The following FHIT variants were observed in gnomAD, a reference collection of about 807,000 sequenced individuals.
FHIT encodes bis(5'-adenosyl)-triphosphatase.
Under a neutral mutation model 17.9 loss-of-function variants are expected in FHIT, and 19 were observed. The observed-to-expected ratio is 1.06, with a 90% CI of 0.74 to 1.56. The LOEUF (loss-of-function observed/expected upper bound fraction) is 1.56. Among genes scored for constraint, FHIT ranks in the 40% most tolerant of loss-of-function variants. The pLI is 0.00. For missense variants in FHIT, 248 were observed against 189.2 expected, an observed-to-expected ratio of 1.31 and a Z score of -1.82; for synonymous variants, 81 against 69.7, an observed-to-expected ratio of 1.16 and a Z score of -0.81.
intron 5 of FHIT, among the ~76,000 whole-genome samples, chr3:60,350,920 G>T (rs1382911454): frequency 6.6e-6 from 1 of 152,122 alleles, no homozygotes; most frequent in Admixed American, 6.5e-5. Context: ...TCTCTCCCTT[G>T]TTGGCTTTGA....
intron 5 of FHIT, among the ~76,000 whole-genome samples, chr3:60,191,169 A>G (rs1016998495): frequency 6.6e-6 from 1 of 152,182 alleles, no homozygotes; most frequent in Non-Finnish European, 1.5e-5. Flanking sequence ...ATGATCAAGA[A>G]AACAGCACAG....
At chr3:59,831,599 G>A (rs1324918455) in intron 8 of FHIT, among the ~76,000 whole-genome samples, 2 of 152,102 alleles carry the variant, frequency 1.3e-5, no homozygotes, top group East Asian at 3.9e-4. Flanking sequence ...AGCCTCATGC[G>A]ATAAGACTGT....
chr3:61,226,797 C>T (rs35303160), intron 1 of FHIT, among the ~76,000 whole-genome samples: 1,894 of 152,088 alleles, frequency 0.012, 20 homozygotes, highest in Middle Eastern at 0.075. Context: ...TCCCATATAC[C>T]CTTACATGAC....
At chr3:60,757,892 C>G (rs1476207202) in intron 4 of FHIT, among the ~76,000 whole-genome samples, 4 of 152,196 alleles carry the variant, frequency 2.6e-5, no homozygotes, top group Non-Finnish European at 5.9e-5. Flanking sequence ...GAAGATAGCA[C>G]TTGGACGTCC....
At chr3:60,017,273 C>T (rs182056975) in intron 5 of FHIT, among the ~76,000 whole-genome samples, 1 of 152,328 alleles carries the variant, frequency 6.6e-6, no homozygotes, top group Non-Finnish European at 1.5e-5. Flanking sequence ...ACGAGACCTA[C>T]AATCCCACAA....
At chr3:60,363,749 C>T (rs967225142) in intron 5 of FHIT, among the ~76,000 whole-genome samples, 3 of 151,894 alleles carry the variant, frequency 2.0e-5, no homozygotes, top group Admixed American at 2.0e-4. Context: ...CAACAAGCTT[C>T]CCTGGCCCCC....
intron 8 of FHIT, among the ~76,000 whole-genome samples, chr3:59,839,708 C>T (rs1426994005): frequency 6.6e-6 from 1 of 152,148 alleles, no homozygotes; most frequent in Admixed American, 6.5e-5. Flanking sequence ...TTATCTCTCT[C>T]TACCAAACAC....
chr3:59,914,383 C>T (rs1013161247), intron 8 of FHIT, among the ~76,000 whole-genome samples: 3 of 152,076 alleles, frequency 2.0e-5, no homozygotes, highest in Non-Finnish European at 4.4e-5. Flanking sequence ...AAACATCAGG[C>T]TATGTTTCCA....
intron 5 of FHIT, among the ~76,000 whole-genome samples, chr3:60,370,377 G>C (rs1022273838): frequency 6.6e-6 from 1 of 152,062 alleles, no homozygotes; most frequent in African/African-American, 2.4e-5. Context: ...TCATACTCCA[G>C]AACCTCTCGC....
At chr3:60,501,370 T>C (rs185009377) in intron 5 of FHIT, among the ~76,000 whole-genome samples, 1 of 152,234 alleles carries the variant, frequency 6.6e-6, no homozygotes, top group East Asian at 1.9e-4. Context: ...AGAGTTGCAA[T>C]ACTATCCCCT....
intron 1 of FHIT, among the ~76,000 whole-genome samples, chr3:61,212,510 C>G (rs552088258): frequency 1.3e-5 from 2 of 152,270 alleles, no homozygotes; most frequent in Admixed American, 1.3e-4. Context: ...TGTGAAAACA[C>G]CAAATCTACG....
At chr3:60,612,309 ACT>A (rs1163330030) in intron 4 of FHIT, among the ~76,000 whole-genome samples, 1 of 152,078 alleles carries the variant, frequency 6.6e-6, no homozygotes, top group East Asian at 1.9e-4. Flanking sequence ...CAACTCTGAG[ACT>A]CTATGGATAT....
chr3:60,422,614 T>C (rs12635633), intron 5 of FHIT, among the ~76,000 whole-genome samples: 36,276 of 152,086 alleles, frequency 0.24, 4,748 homozygotes, highest in South Asian at 0.39. Flanking sequence ...GTAACTAAGA[T>C]TGAAGCTGGC....
At chr3:61,141,175 C>CA in intron 2 of FHIT, among the ~76,000 whole-genome samples, 1 of 152,050 alleles carries the variant, frequency 6.6e-6, no homozygotes, top group East Asian at 1.9e-4. Context: ...TTCAAGCCGA[C>CA]TCTCGGGGGT....
chr3:60,152,768 T>C (rs7653425), intron 5 of FHIT, among the ~76,000 whole-genome samples: 74,573 of 152,056 alleles, frequency 0.49, 20,036 homozygotes, highest in Non-Finnish European at 0.6. Flanking sequence ...GGTGTAAGAA[T>C]GCCTATTCAT....
intron 3 of FHIT, among the ~76,000 whole-genome samples, chr3:60,888,047 T>C (rs1296402313): frequency 1.3e-5 from 2 of 152,064 alleles, no homozygotes; most frequent in African/African-American, 2.4e-5. Flanking sequence ...AAACAACAAG[T>C]TGGTAATTAA....
intron 7 of FHIT, among the ~76,000 whole-genome samples, chr3:60,003,954 T>C (rs1179446416): frequency 6.6e-6 from 1 of 151,832 alleles, no homozygotes; most frequent in Non-Finnish European, 1.5e-5. Flanking sequence ...GCTGATTACA[T>C]GGAGTTAGAG....
At chr3:60,567,808 A>C (rs1316868329) in intron 4 of FHIT, among the ~76,000 whole-genome samples, 1 of 152,262 alleles carries the variant, frequency 6.6e-6, no homozygotes, top group East Asian at 1.9e-4. Flanking sequence ...ATATGAACAG[A>C]CACTTCTCAA....
intron 3 of FHIT, among the ~76,000 whole-genome samples, chr3:61,006,479 T>C (rs1021768574): frequency 2.0e-5 from 3 of 152,152 alleles, no homozygotes; most frequent in Non-Finnish European, 4.4e-5. Flanking sequence ...GGATGACACT[T>C]GGCACTTGAG....
Sources: gnomAD v4.1 joint callset for allele counts (sites outside exome capture counted in the v4.1 genomes callset) on GRCh38, gnomAD v4.1.1 for gene constraint, MANE v1.5 for transcripts, NCBI Gene and HGNC (gene_info 2026-07-23, HGNC 2026-07-21) for gene names.